The following NKAIN2 variants were observed in gnomAD, a reference collection of about 807,000 sequenced individuals.
The protein encoded by NKAIN2 is sodium/potassium-transporting ATPase subunit beta-1-interacting protein 2.
NKAIN2 carries 14 observed loss-of-function variants against 32.6 expected under a neutral mutation model. The ratio of observed to expected loss-of-function variants is 0.43; its 90% CI spans 0.28 to 0.67. The LOEUF is 0.67. NKAIN2 is among the 30% of genes least tolerant of loss of function. The pLI, the probability that NKAIN2 is intolerant of heterozygous loss-of-function variation, is 0.17. For missense variants in NKAIN2, 198 were observed against 258.3 expected (o/e 0.77, Z 1.60); for synonymous variants, 80 against 87.2 (o/e 0.92, Z 0.46).
At chr6:124,779,641 C>T (rs999479874) in intron 4 of NKAIN2, among the ~76,000 whole-genome samples, 4 of 152,154 alleles carry the variant, frequency 2.6e-5, no homozygotes, top group Non-Finnish European at 5.9e-5. Context: ...TATTATTGCT[C>T]TTTAAGCCTG....
intron 3 of NKAIN2, among the ~76,000 whole-genome samples, chr6:124,533,308 A>G (rs1779594375): frequency 6.6e-6 from 1 of 151,736 alleles, no homozygotes; most frequent in African/African-American, 2.4e-5. Context: ...CGTCTGTACT[A>G]AAAATACAAA....
chr6:124,596,663 G>GGGGTGTGTGTGT (rs367602258), intron 3 of NKAIN2, among the ~76,000 whole-genome samples: 3 of 142,516 alleles, frequency 2.1e-5, no homozygotes, highest in African/African-American at 7.8e-5. Flanking sequence ...TAAACCATAG[G>GGGGTGTGTGTGT]GTGTGTGTGT....
At chr6:124,803,592 T>C (rs953807913) in intron 5 of NKAIN2, among the ~76,000 whole-genome samples, 3 of 152,218 alleles carry the variant, frequency 2.0e-5, no homozygotes, top group Non-Finnish European at 4.4e-5. Flanking sequence ...CTACAGTATG[T>C]CACACAGGCT....
chr6:124,617,309 T>C (rs2115009223), intron 3 of NKAIN2, among the ~76,000 whole-genome samples: 1 of 152,336 alleles, frequency 6.6e-6, no homozygotes, highest in African/African-American at 2.4e-5. Flanking sequence ...GTTTTCTATC[T>C]ATTCTCGCAT....
chr6:124,564,869 T>C, intron 3 of NKAIN2, among the ~76,000 whole-genome samples: 1 of 152,238 alleles, frequency 6.6e-6, no homozygotes, highest in East Asian at 1.9e-4. Flanking sequence ...AATGATTCTC[T>C]ACTTTAAATA....
intron 1 of NKAIN2, among the ~76,000 whole-genome samples, chr6:124,244,618 G>A (rs944764003): frequency 2.0e-5 from 3 of 151,776 alleles, no homozygotes; most frequent in East Asian, 1.9e-4. Context: ...AAATACAAAC[G>A]GGTATCCACC....
At chr6:124,805,253 G>C (rs1374639110) in intron 5 of NKAIN2, among the ~76,000 whole-genome samples, 1 of 152,188 alleles carries the variant, frequency 6.6e-6, no homozygotes, top group Non-Finnish European at 1.5e-5. Flanking sequence ...AGTAGGGGCA[G>C]ACTGACATCT....
chr6:124,536,071 T>C (rs960860662), intron 3 of NKAIN2, among the ~76,000 whole-genome samples: 1 of 152,212 alleles, frequency 6.6e-6, no homozygotes, highest in African/African-American at 2.4e-5. Flanking sequence ...AGGCCATCCC[T>C]GGACTTTACA....
At chr6:124,602,530 A>T (rs1782347666) in intron 3 of NKAIN2, among the ~76,000 whole-genome samples, 1 of 151,986 alleles carries the variant, frequency 6.6e-6, no homozygotes, top group South Asian at 2.1e-4. Flanking sequence ...TCAGAAATAA[A>T]TGCAAATTGT....
At chr6:123,887,736 G>A (rs369856974) in intron 1 of NKAIN2, among the ~76,000 whole-genome samples, 6 of 152,186 alleles carry the variant, frequency 3.9e-5, no homozygotes, top group East Asian at 1.9e-4. Context: ...AATTGCCTAA[G>A]GTCAGATGTA....
At chr6:124,551,172 T>G (rs1182350241) in intron 3 of NKAIN2, among the ~76,000 whole-genome samples, 1 of 152,192 alleles carries the variant, frequency 6.6e-6, no homozygotes. Flanking sequence ...AGTGTTTTAG[T>G]GATGTAATGG....
intron 1 of NKAIN2, among the ~76,000 whole-genome samples, chr6:124,224,836 C>A (rs1452054024): frequency 6.6e-6 from 1 of 152,044 alleles, no homozygotes; most frequent in African/African-American, 2.4e-5. Context: ...TTCAACAATT[C>A]ATTTTTAGTG....
chr6:123,915,408 C>A (rs1223990871), intron 1 of NKAIN2, among the ~76,000 whole-genome samples: 1 of 152,152 alleles, frequency 6.6e-6, no homozygotes, highest in Non-Finnish European at 1.5e-5. Context: ...ACTCACTTTA[C>A]CACCCAACTC....
At position 124,300,176 on chromosome 6, in the gene NKAIN2, T is replaced by TG. The variant is rs201431701; in HGVS notation, c.192+17041dup. Among the ~76,000 whole-genome samples the TG allele has an allele frequency of 8.2e-3, 1,253 of 152,216 alleles. 22 individuals are homozygous for TG. Among genetic ancestry groups the TG allele is most frequent in the African/African-American group, 0.028 (1,160 of 41,522 alleles). On this transcript the variant is annotated intron_variant, in intron 2 of 6. Transcript: ENST00000368417. ...ATTGTAATAATCCCCATGTGTCAAG[T>TG]GGGGGGGCCAGGTGGAGATAATTGA...
At chr6:124,135,723 A>G (rs1786745742) in intron 1 of NKAIN2, among the ~76,000 whole-genome samples, 1 of 152,132 alleles carries the variant, frequency 6.6e-6, no homozygotes, top group South Asian at 2.1e-4. Flanking sequence ...TAACTCCAAA[A>G]GGAACCCTCA....
chr6:124,322,098 A>T (rs1797220679), intron 2 of NKAIN2, among the ~76,000 whole-genome samples: 1 of 152,192 alleles, frequency 6.6e-6, no homozygotes, highest in South Asian at 2.1e-4. Flanking sequence ...CAACCAAAAG[A>T]TAAGAACAAA....
intron 3 of NKAIN2, among the ~76,000 whole-genome samples, chr6:124,402,310 G>A (rs1263509763): frequency 1.3e-5 from 2 of 152,138 alleles, no homozygotes; most frequent in African/African-American, 4.8e-5. Context: ...TATGAGTGGC[G>A]TGAAGTAGGA....
intron 3 of NKAIN2, among the ~76,000 whole-genome samples, chr6:124,379,593 C>A (rs946819352): frequency 3.9e-5 from 6 of 152,034 alleles, no homozygotes; most frequent in African/African-American, 1.4e-4. Flanking sequence ...AAAGGTGGGA[C>A]AGAGGCTTGG....
At chr6:123,921,288 A>G (rs1057169790) in intron 1 of NKAIN2, among the ~76,000 whole-genome samples, 1 of 152,224 alleles carries the variant, frequency 6.6e-6, no homozygotes, top group Admixed American at 6.5e-5. Context: ...CCGTTGTCGA[A>G]CAATTATAAT....
Sources: allele counts gnomAD v4.1 joint callset (sites outside exome capture counted in the v4.1 genomes callset), GRCh38; gene constraint gnomAD v4.1.1; transcripts MANE v1.5; gene names NCBI Gene and HGNC (gene_info 2026-07-23, HGNC 2026-07-21).